Variants in SIPA1L1 observed in about 807,000 individuals in gnomAD.
SIPA1L1 encodes signal-induced proliferation-associated 1-like protein 1.
SIPA1L1 carries 26 observed loss-of-function variants against 162.7 expected under a neutral mutation model. The observed-to-expected ratio is 0.16, with a 90% CI of 0.12 to 0.22. The LOEUF (loss-of-function observed/expected upper bound fraction) is 0.22, where lower values mean the gene tolerates loss of function less well. SIPA1L1 is among the 10% of genes least tolerant of loss of function. SIPA1L1 has a pLI of 1.00. For synonymous variants in SIPA1L1, 829 were observed against 837.4 expected, an observed-to-expected ratio of 0.99 and a Z score of 0.17; for missense variants, 1,874 against 2,241.0, an observed-to-expected ratio of 0.84 and a Z score of 3.31.
At chr14:71,635,588 C>T (rs2041062255) in intron 7 of SIPA1L1, among the ~76,000 whole-genome samples, 1 of 152,054 alleles carries the variant, frequency 6.6e-6, no homozygotes, top group African/African-American at 2.4e-5. Flanking sequence ...ATACATAGAG[C>T]AATCACTAAT....
At chr14:71,402,931 T>C (rs1418470121) in intron 2 of SIPA1L1, among the ~76,000 whole-genome samples, 2 of 152,184 alleles carry the variant, frequency 1.3e-5, no homozygotes. Flanking sequence ...TGAACAGTTT[T>C]ATAACTGCCG....
intron 4 of SIPA1L1, among the ~76,000 whole-genome samples, chr14:71,577,321 T>C (rs1181930764): frequency 6.6e-6 from 1 of 151,992 alleles, no homozygotes; most frequent in African/African-American, 2.4e-5. Flanking sequence ...TTTTCTACCA[T>C]AAATTTTGTA....
chr14:71,440,648 A>C (rs867447998), intron 2 of SIPA1L1, among the ~76,000 whole-genome samples: 1 of 35,418 alleles, frequency 2.8e-5, no homozygotes, highest in African/African-American at 9.8e-5. Context: ...ACCCATCTCA[A>C]AAAAAAAAAA....
chr14:71,560,377 T>G (rs1026982265), intron 4 of SIPA1L1, among the ~76,000 whole-genome samples: 4 of 152,208 alleles, frequency 2.6e-5, no homozygotes, highest in Non-Finnish European at 4.4e-5. Context: ...ATTGTGTTGG[T>G]ATCTTTCCTC....
chr14:71,553,350 C>G (rs144257336), intron 4 of SIPA1L1, among the ~76,000 whole-genome samples: 2 of 152,290 alleles, frequency 1.3e-5, no homozygotes, highest in South Asian at 4.1e-4. Context: ...TTTGTTCTTT[C>G]AGTGTTTCTA....
chr14:71,328,795 GA>G (rs1254204950), intron 2 of SIPA1L1, among the ~76,000 whole-genome samples: 1 of 152,142 alleles, frequency 6.6e-6, no homozygotes, highest in African/African-American at 2.4e-5. Context: ...GGTAAAAACA[GA>G]AAAAGTTGAC....
chr14:71,576,755 T>C (rs1052903948), intron 4 of SIPA1L1, among the ~76,000 whole-genome samples: 3 of 152,194 alleles, frequency 2.0e-5, no homozygotes, highest in Admixed American at 2.0e-4. Flanking sequence ...CCAGTTACTC[T>C]TGAATTCCAG....
At chr14:71,702,247 G>A in intron 14 of SIPA1L1, 134 bp from the exon 15 acceptor site, 1 of 843,564 alleles carries the variant, frequency 1.2e-6, no homozygotes, top group South Asian at 1.6e-5. Flanking sequence ...ACCAGGGTGT[G>A]TATACAAGTA....
At chr14:71,507,944 C>A (rs2050808853) in intron 2 of SIPA1L1, among the ~76,000 whole-genome samples, 1 of 152,048 alleles carries the variant, frequency 6.6e-6, no homozygotes, top group African/African-American at 2.4e-5. Context: ...TAAAAGCAGG[C>A]CTTGGGATAA....
At chr14:71,348,366 C>T (rs1594933704) in intron 2 of SIPA1L1, among the ~76,000 whole-genome samples, 1 of 152,172 alleles carries the variant, frequency 6.6e-6, no homozygotes, top group African/African-American at 2.4e-5. Flanking sequence ...GATTTTACAG[C>T]ATGTTTTCTT....
intron 2 of SIPA1L1, among the ~76,000 whole-genome samples, chr14:71,410,368 G>A (rs930040085): frequency 6.6e-6 from 1 of 152,144 alleles, no homozygotes; most frequent in Non-Finnish European, 1.5e-5. Context: ...AGGGTGAGGG[G>A]CATTTGGTAG....
At chr14:71,685,100 G>A (rs776852915) in intron 12 of SIPA1L1, among the ~76,000 whole-genome samples, 2 of 152,142 alleles carry the variant, frequency 1.3e-5, no homozygotes, top group Non-Finnish European at 2.9e-5. Context: ...CAGGGTGTCC[G>A]TGGGTCCCAT....
At chr14:71,470,904 C>T (rs2047400292) in intron 2 of SIPA1L1, among the ~76,000 whole-genome samples, 1 of 152,108 alleles carries the variant, frequency 6.6e-6, no homozygotes, top group African/African-American at 2.4e-5. Context: ...GTGGCTTGAT[C>T]ACGGCTTGCT....
intron 4 of SIPA1L1, among the ~76,000 whole-genome samples, chr14:71,570,855 C>T (rs931641457): frequency 1.3e-5 from 2 of 152,126 alleles, no homozygotes; most frequent in African/African-American, 2.4e-5. Flanking sequence ...GGCACCATCT[C>T]GGCTCACTGT....
At chr14:71,356,671 G>T (rs41229) in intron 2 of SIPA1L1, among the ~76,000 whole-genome samples, 63,018 of 150,718 alleles carry the variant, frequency 0.42, 13,826 homozygotes, top group Admixed American at 0.51. Context: ...AACTATGATG[G>T]TGCCACTGTA....
At chr14:71,660,957 C>T (rs2043455592) in intron 9 of SIPA1L1, among the ~76,000 whole-genome samples, 1 of 152,202 alleles carries the variant, frequency 6.6e-6, no homozygotes, top group African/African-American at 2.4e-5. Flanking sequence ...CAGCCATTCT[C>T]ATCTCTAAAA....
chr14:71,599,119 A>G (rs1379735821), intron 5 of SIPA1L1, among the ~76,000 whole-genome samples: 2 of 141,118 alleles, frequency 1.4e-5, no homozygotes, highest in African/African-American at 5.3e-5. Flanking sequence ...CCATCCATCC[A>G]TGTTGCTGCA....
intron 2 of SIPA1L1, among the ~76,000 whole-genome samples, chr14:71,348,186 A>G (rs2036352267): frequency 6.6e-6 from 1 of 152,198 alleles, no homozygotes; most frequent in Non-Finnish European, 1.5e-5. Flanking sequence ...ATGCATACAC[A>G]CATGTAACCA....
intron 2 of SIPA1L1, among the ~76,000 whole-genome samples, chr14:71,505,068 C>T (rs539698282): frequency 6.6e-5 from 10 of 152,292 alleles, no homozygotes; most frequent in Non-Finnish European, 1.5e-4. Context: ...TTTGCATTTT[C>T]ATTGTTTCTC....
Sources: allele counts gnomAD v4.1 joint callset (sites outside exome capture counted in the v4.1 genomes callset), GRCh38; gene constraint gnomAD v4.1.1; transcripts MANE v1.5; gene names NCBI Gene and HGNC (gene_info 2026-07-23, HGNC 2026-07-21).